XKR6: variants seen among roughly 807,000 people sequenced by gnomAD.
XKR6 encodes XK related 6, also known as XK-related protein 6.
XKR6 carries 22 observed loss-of-function variants against 56.7 expected under a neutral mutation model. That is an observed-to-expected ratio of 0.39 (90% CI 0.28 to 0.55). XKR6 has a LOEUF of 0.55. XKR6 is among the 20% of genes least tolerant of loss of function. XKR6 has a pLI of 0.66. For synonymous variants in XKR6, 524 were observed against 387.8 expected, an observed-to-expected ratio of 1.35 and a Z score of -4.13; for missense variants, 852 against 889.0, an observed-to-expected ratio of 0.96 and a Z score of 0.53.
chr8:11,032,978 A>G (rs893538518), intron 1 of XKR6, among the ~76,000 whole-genome samples: 2 of 152,164 alleles, frequency 1.3e-5, no homozygotes, highest in African/African-American at 2.4e-5. Flanking sequence ...AGTGGTGATA[A>G]TGGTGATGGT....
chr8:10,963,780 G>T (rs1329313197), intron 1 of XKR6, among the ~76,000 whole-genome samples: 1 of 152,164 alleles, frequency 6.6e-6, no homozygotes, highest in South Asian at 2.1e-4. Flanking sequence ...CTGGATTCAA[G>T]CAATCCTCCC....
At chr8:10,932,038 A>G (rs900378125) in intron 1 of XKR6, among the ~76,000 whole-genome samples, 14 of 152,226 alleles carry the variant, frequency 9.2e-5, no homozygotes, top group African/African-American at 3.4e-4. Flanking sequence ...CAAGATTTGA[A>G]CAGATATTTT....
At chr8:11,189,097 T>C (rs1803417438) in intron 1 of XKR6, among the ~76,000 whole-genome samples, 1 of 152,222 alleles carries the variant, frequency 6.6e-6, no homozygotes, top group African/African-American at 2.4e-5. Context: ...TTCCTGTCTC[T>C]AATGACACTC....
intron 1 of XKR6, among the ~76,000 whole-genome samples, chr8:11,046,203 A>G (rs900882438): frequency 3.3e-5 from 5 of 152,204 alleles, no homozygotes; most frequent in Non-Finnish European, 7.3e-5. Context: ...GTTTGAGACC[A>G]GCCTGATCAA....
chr8:11,122,272 G>A (rs1799494559), intron 1 of XKR6, among the ~76,000 whole-genome samples: 2 of 152,228 alleles, frequency 1.3e-5, no homozygotes, highest in South Asian at 4.1e-4. Context: ...CGTCACTGAA[G>A]ATCAGTCTCT....
At chr8:11,096,796 G>C (rs1443027766) in intron 1 of XKR6, among the ~76,000 whole-genome samples, 1 of 152,216 alleles carries the variant, frequency 6.6e-6, no homozygotes, top group Non-Finnish European at 1.5e-5. Flanking sequence ...TCTTATCTTT[G>C]TATTGCAGTT....
At chr8:10,988,235 G>A (rs1215432815) in intron 1 of XKR6, among the ~76,000 whole-genome samples, 1 of 152,090 alleles carries the variant, frequency 6.6e-6, no homozygotes, top group Non-Finnish European at 1.5e-5. Flanking sequence ...CTCCATGGGG[G>A]TATGGATTCT....
Position 11,140,436 on chromosome 8 carries a change from C to T in XKR6, c.764+60140G>A, listed in dbSNP as rs1800634467. Among the ~76,000 whole-genome samples, 2 of 152,186 alleles carry T rather than the reference C, an allele frequency of 1.3e-5. 1 individual carries two copies. Among genetic ancestry groups the T allele is most frequent in the South Asian group, 4.1e-4 (2 of 4,828 alleles). On this transcript the variant is annotated intron_variant, in intron 1 of 2. Transcript: ENST00000416569. ...CCACATGACTTACAGAGGGAAATAT[C>T]ACTGCACATTTCCAGCAACAGTTTA...
rs145827814 is a variant in XKR6, at chr8:11,128,172, T to C, written c.764+72404A>G. ...TCTGAATGTTTGGTTGAGCTTTTTC[T>C]ACTAGAAACAGGAAACCACACTGAT... On this transcript the variant is annotated intron_variant, in intron 1 of 2. Transcript: ENST00000416569. Among the ~76,000 whole-genome samples, 51 of 152,324 alleles carry C rather than the reference T, an allele frequency of 3.3e-4. No homozygotes were observed. The East Asian group carries it at 9.6e-3, about 29-fold the overall frequency.
rs1277141155 is a variant in XKR6, at chr8:11,040,360, A to T, written c.765-115530T>A. Reference sequence around the variant, plus strand: ...AACATAAGCAGATCTCATGTCTGCTAAAAAAAAAAAAAAAAAAAAAAATTA... The same window carrying T: ...AACATAAGCAGATCTCATGTCTGCTTAAAAAAAAAAAAAAAAAAAAAATTA... On this transcript the variant is annotated intron_variant, in intron 1 of 2. Transcript: ENST00000416569. Among the ~76,000 whole-genome samples the T allele has an allele frequency of 6.5e-4, 36 of 55,796 alleles. No individual in the cohort carries two copies. In the African/African-American group the frequency reaches 7.6e-3, roughly 12 times the overall value. The allele number at this position is 55,796 out of a possible 152,430, so 36.6% of individuals were successfully genotyped here.
intron 1 of XKR6, among the ~76,000 whole-genome samples, chr8:10,969,554 G>A (rs1467432638): frequency 6.6e-6 from 1 of 152,198 alleles, no homozygotes; most frequent in Non-Finnish European, 1.5e-5. Context: ...ACAGCTTAAG[G>A]GGAAATCAAG....
intron 1 of XKR6, among the ~76,000 whole-genome samples, chr8:10,977,923 C>T (rs1178491097): frequency 1.3e-5 from 2 of 152,052 alleles, no homozygotes; most frequent in African/African-American, 4.8e-5. Context: ...GGTGGTGATA[C>T]AGGCGATGAC....
At chr8:11,175,508 G>C (rs1802610581) in intron 1 of XKR6, 1 of 152,712 alleles carries the variant, frequency 6.5e-6, no homozygotes, top group African/African-American at 2.4e-5. Flanking sequence ...AGAAGAAGAG[G>C]TTGCACCGAA....
rs546452554 is a variant in XKR6, at chr8:11,054,795, G to A, written c.765-129965C>T. On this transcript the variant is annotated intron_variant, in intron 1 of 2. Transcript: ENST00000416569. ...AGGGTCCGAGGGCGGGGGCTGCCAG[G>A]GTGGTGCTCACTGGGGCCCTGGGAG... is the stretch of plus-strand genomic sequence containing the variant. Among the ~76,000 whole-genome samples, 23 of 152,312 alleles carry A rather than the reference G, an allele frequency of 1.5e-4. No homozygotes were observed. The South Asian group carries it at 4.6e-3, about 30-fold the overall frequency.
At chr8:11,032,458 T>G (rs1799015000) in intron 1 of XKR6, among the ~76,000 whole-genome samples, 1 of 152,136 alleles carries the variant, frequency 6.6e-6, no homozygotes, top group South Asian at 2.1e-4. Context: ...GCATGCTATT[T>G]TCACATGAGT....
At chr8:10,925,020 G>A (rs917640882) in intron 1 of XKR6, among the ~76,000 whole-genome samples, 190 bp from the exon 2 acceptor site, 1 of 152,090 alleles carries the variant, frequency 6.6e-6, no homozygotes, top group Non-Finnish European at 1.5e-5. Flanking sequence ...CATGGGGGAG[G>A]GGCGGGGCAG....
chr8:11,180,206 C>G (rs1224163149), intron 1 of XKR6, among the ~76,000 whole-genome samples: 1 of 152,086 alleles, frequency 6.6e-6, no homozygotes, highest in African/African-American at 2.4e-5. Flanking sequence ...TGGGAAAATT[C>G]AAAGTCAAAA....
At chr8:10,908,308 T>C (rs1345224517) in intron 2 of XKR6, among the ~76,000 whole-genome samples, 1 of 152,054 alleles carries the variant, frequency 6.6e-6, no homozygotes, top group Non-Finnish European at 1.5e-5. Flanking sequence ...CTGTCCTCAC[T>C]GATGTGCTAA....
intron 1 of XKR6, among the ~76,000 whole-genome samples, chr8:11,031,424 A>C (rs1344697866): frequency 6.6e-6 from 1 of 152,226 alleles, no homozygotes; most frequent in South Asian, 2.1e-4. Context: ...AGGTCCGAGT[A>C]AGGCACTGGA....
Sources: gnomAD v4.1 joint callset for allele counts (sites outside exome capture counted in the v4.1 genomes callset) on GRCh38, gnomAD v4.1.1 for gene constraint, MANE v1.5 for transcripts, NCBI Gene and HGNC (gene_info 2026-07-23, HGNC 2026-07-21) for gene names.